The following PRMT7 variants were observed in gnomAD, a reference collection of about 807,000 sequenced individuals.
The protein encoded by PRMT7 is protein arginine N-methyltransferase 7.
Under a neutral mutation model 85.4 loss-of-function variants are expected in PRMT7, and 75 were observed. The ratio of observed to expected loss-of-function variants is 0.88; its 90% CI spans 0.73 to 1.06. The LOEUF (loss-of-function observed/expected upper bound fraction) is 1.06. Ranked by LOEUF, PRMT7 falls within the 50% of genes least tolerant of loss-of-function variation. The probability of loss-of-function intolerance (pLI) is 0.00; values close to 1 mark genes in which losing one functional copy is unlikely to be tolerated. For synonymous variants in PRMT7, 397 were observed against 359.5 expected, an observed-to-expected ratio of 1.10 and a Z score of -1.18; for missense variants, 868 against 915.2, an observed-to-expected ratio of 0.95 and a Z score of 0.67.
chr16:68,356,503 C>G (rs919109508), intron 17 of PRMT7, among the ~76,000 whole-genome samples, 198 bp from the exon 18 acceptor site: 1 of 152,262 alleles, frequency 6.6e-6, no homozygotes, highest in Non-Finnish European at 1.5e-5. Flanking sequence ...CGGGTTGGCT[C>G]AGGTGGGGGC....
chr16:68,317,160 C>T (rs954556284), intron 3 of PRMT7, among the ~76,000 whole-genome samples: 4 of 149,486 alleles, frequency 2.7e-5, no homozygotes, highest in Non-Finnish European at 5.9e-5. Context: ...ATCACTTGAA[C>T]TCGGGAGGTG....
chr16:68,321,564 G>C, intron 4 of PRMT7, 102 bp downstream of exon 4: 4 of 1,136,710 alleles, frequency 3.5e-6, no homozygotes, highest in Non-Finnish European at 5.2e-6. Flanking sequence ...AAATGATACT[G>C]AGAGGCGTAT....
Position 68,357,220 on chromosome 16 carries a change from A to G in PRMT7, c.2075A>G (p.Asp692Gly). Residue 692 changes from aspartate (D) to glycine (G), a missense_variant, in exon 19 of 19, where the codon GAC (aspartate) becomes GGC (glycine). Coordinates refer to ENST00000441236, the MANE Select transcript of PRMT7 (RefSeq NM_019023.5). The part of the protein sequence containing the change: ...IMEFRHADTP[D>G] ...GAGTTCAGGCATGCAGATACCCCAG[A>G]CTGACCACTCTTGAGCAATAAAGTG... The G allele has an allele frequency of 6.2e-7, 1 of 1,611,420 alleles. No individual in the cohort carries two copies. The highest frequency in any genetic ancestry group is 8.5e-7 in the Non-Finnish European group (1 of 1,178,672).
intron 1 of PRMT7, 30 bp downstream of exon 1, chr16:68,311,129 G>T: frequency 1.5e-6 from 1 of 680,976 alleles, no homozygotes; most frequent in Non-Finnish European, 2.7e-6. Context: ...GGGAAGGTGG[G>T]GTCGCTTTGG....
chr16:68,347,571 C>G, intron 12 of PRMT7, 60 bp from the exon 13 acceptor site: 1 of 1,547,954 alleles, frequency 6.5e-7, no homozygotes, highest in Non-Finnish European at 8.9e-7. Flanking sequence ...GCATTTTAAT[C>G]TTTAATTTCT....
At chr16:68,317,159 AC>A (rs1264724533) in intron 3 of PRMT7, among the ~76,000 whole-genome samples, 1 of 147,280 alleles carries the variant, frequency 6.8e-6, no homozygotes, top group African/African-American at 2.5e-5. Flanking sequence ...AATCACTTGA[AC>A]TCGGGAGGTG....
At chr16:68,329,504 C>T (rs2083557186) in intron 6 of PRMT7, 1 of 188,200 alleles carries the variant, frequency 5.3e-6, no homozygotes, top group African/African-American at 2.3e-5. Context: ...ACCTCATTGG[C>T]TACGATACTG....
At chr16:68,340,155 C>T (rs1481347933) in intron 9 of PRMT7, among the ~76,000 whole-genome samples, 187 bp downstream of exon 9, 2 of 152,164 alleles carry the variant, frequency 1.3e-5, no homozygotes, top group Non-Finnish European at 1.5e-5. Context: ...CCAGGGTGAG[C>T]TCATGGTGAG....
chr16:68,324,885 A>G (rs11649625), intron 5 of PRMT7, 53 bp downstream of exon 5: 24,433 of 1,603,676 alleles, frequency 0.015, 191 homozygotes, highest in Non-Finnish European at 0.018. Context: ...GAAATCCCCT[A>G]TGCTCTTGCA....
In PRMT7 at chr16:68,337,559, G is replaced by A; in HGVS notation, c.492G>A (p.Arg164=). ...GALPSYEHAH[R]HLVEENCEAV... Reference sequence around the variant, plus strand: ...TGCCCTCCTATGAGCACGCACACAGGCATCTCGTGGAGGTAGTAGACGGAG... The same window carrying A: ...TGCCCTCCTATGAGCACGCACACAGACATCTCGTGGAGGTAGTAGACGGAG... Residue 164 remains arginine (R), a synonymous_variant, in exon 7 of 19, where the codon AGG becomes AGA. Coordinates refer to ENST00000441236, the MANE Select transcript of PRMT7 (RefSeq NM_019023.5). 1 of 1,606,044 alleles carries A rather than the reference G, an allele frequency of 6.2e-7. No individual in the cohort carries two copies. The highest frequency in any genetic ancestry group is 8.5e-7 in the Non-Finnish European group (1 of 1,174,444).
chr16:68,322,859 C>T (rs1032040304), intron 4 of PRMT7, among the ~76,000 whole-genome samples: 2 of 151,818 alleles, frequency 1.3e-5, no homozygotes, highest in Non-Finnish European at 2.9e-5. Context: ...GGTGAAACCC[C>T]GTCCCTACTA....
chr16:68,347,285 G>A lies in PRMT7; in HGVS notation c.1266G>A (p.Gly422=), dbSNP rs1835557911. 1 of 1,545,746 alleles carries A rather than the reference G, an allele frequency of 6.5e-7. No homozygotes were observed. The highest frequency in any genetic ancestry group is 8.8e-7 in the Non-Finnish European group (1 of 1,142,436). ...SLLSVLAHHL[G]VEQVFTVESS... is the part of the protein sequence containing the mutation. ...TCTCCGTGCTGGCCCATCACCTGGG[G>A]GTGGAGCAGGTACTGACATGCACCC... is the stretch of plus-strand genomic sequence containing the variant. The change falls in exon 12 of 19, where the codon GGG becomes GGA. Residue 422 remains glycine (G), a synonymous_variant. Coordinates refer to ENST00000441236, the MANE Select transcript of PRMT7 (RefSeq NM_019023.5).
At chr16:68,338,442 G>GTT (rs1567693544) in intron 7 of PRMT7, among the ~76,000 whole-genome samples, 3 of 151,910 alleles carry the variant, frequency 2.0e-5, no homozygotes, top group African/African-American at 7.3e-5. Context: ...GCTCTCTAAA[G>GTT]GTCAGCCAAG....
intron 6 of PRMT7, among the ~76,000 whole-genome samples, chr16:68,330,035 A>G (rs1288398269): frequency 6.6e-6 from 1 of 151,988 alleles, no homozygotes; most frequent in African/African-American, 2.4e-5. Flanking sequence ...CGGTGATTAC[A>G]GGTGCCTGCC....
At chr16:68,359,197 C>CGGGGTCTA (rs968990393), downstream of PRMT7, 2 of 152,302 alleles carry the variant, frequency 1.3e-5, no homozygotes, top group African/African-American at 4.8e-5. Flanking sequence ...GCAGGCGGCT[C>CGGGGTCTA]GGGGTCTAGG....
intron 4 of PRMT7, 108 bp from the exon 5 acceptor site, chr16:68,324,575 G>T: frequency 7.3e-7 from 1 of 1,369,160 alleles, no homozygotes; most frequent in African/African-American, 1.4e-5. Context: ...AAAGGCCATA[G>T]GGCCCTGACT....
intron 17 of PRMT7, among the ~76,000 whole-genome samples, chr16:68,356,148 A>C (rs2088407822): frequency 6.6e-6 from 1 of 152,218 alleles, no homozygotes; most frequent in African/African-American, 2.4e-5. Context: ...CAGCTCAGGA[A>C]GATGGGAGCT....
chr16:68,348,508 A>G (rs2086749467), intron 14 of PRMT7, 77 bp downstream of exon 14: 1 of 1,202,512 alleles, frequency 8.3e-7, no homozygotes, highest in African/African-American at 1.5e-5. Flanking sequence ...CCCAGGCCCC[A>G]CCCTGTCCCT....
At chr16:68,323,368 G>A (rs1250001015) in intron 4 of PRMT7, among the ~76,000 whole-genome samples, 2 of 151,772 alleles carry the variant, frequency 1.3e-5, no homozygotes, top group Admixed American at 6.6e-5. Context: ...ACAGGCATGC[G>A]CCACCATGCC....
Sources: gnomAD v4.1 joint callset for allele counts (sites outside exome capture counted in the v4.1 genomes callset) on GRCh38, gnomAD v4.1.1 for gene constraint, MANE v1.5 for transcripts, NCBI Gene and HGNC (gene_info 2026-07-23, HGNC 2026-07-21) for gene names.